Variants in CDC5L observed in about 807,000 individuals in gnomAD.
The protein encoded by CDC5L is cell division cycle 5 like.
In CDC5L, 18 loss-of-function variants were observed where a neutral mutation model predicts 104.1. That is an observed-to-expected ratio of 0.17 (90% CI 0.12 to 0.26). The LOEUF is 0.26. Ranked by LOEUF, CDC5L falls within the 10% of genes least tolerant of loss-of-function variation. The pLI, the probability that CDC5L is intolerant of heterozygous loss-of-function variation, is 1.00. For synonymous variants in CDC5L, 331 were observed against 322.7 expected (o/e 1.03, Z -0.28); for missense variants, 673 against 956.9 (o/e 0.70, Z 3.91).
At chr6:44,400,213 C>T (rs1411624772) in intron 5 of CDC5L, among the ~76,000 whole-genome samples, 1 of 152,168 alleles carries the variant, frequency 6.6e-6, no homozygotes, top group Non-Finnish European at 1.5e-5. Flanking sequence ...CACTCTCAGG[C>T]AGTTTCCGTT....
chr6:44,393,729 A>G (rs1050007730), intron 4 of CDC5L, among the ~76,000 whole-genome samples, 156 bp downstream of exon 4: 4 of 151,998 alleles, frequency 2.6e-5, no homozygotes, highest in Non-Finnish European at 5.9e-5. Flanking sequence ...AAGTGGCACA[A>G]TCATGGTTCA....
At position 44,445,815 on chromosome 6, in the gene CDC5L, C is replaced by T; in HGVS notation, c.2252C>T (p.Thr751Ile). Residue 751 changes from threonine (T) to isoleucine (I), a missense_variant, in exon 15 of 16, where the codon ACT (threonine) becomes ATT (isoleucine). Physicochemically the swap from Thr to Ile is moderately conservative, Grantham distance 89 (BLOSUM62 -1). Around this residue, in one of 4 missense-constraint regions of CDC5L, gnomAD observed 578 missense variants for 737.0 expected, o/e 0.78. Transcript: ENST00000371477. The part of the protein sequence containing the change: ...QIEQAHLELR[T>I]FEELKKHEDS... ...GAACAGGCTCACTTGGAGTTACGCA[C>T]TTTTGAAGAACTCAAGAAACATGAA... 1 of 1,613,970 alleles carries T rather than the reference C, an allele frequency of 6.2e-7. No homozygotes were observed.
chr6:44,439,088 C>T (rs1042399283), intron 14 of CDC5L, among the ~76,000 whole-genome samples: 1 of 152,146 alleles, frequency 6.6e-6, no homozygotes, highest in African/African-American at 2.4e-5. Context: ...TTGGATATTT[C>T]ACATAAGTGG....
At chr6:44,438,638 G>A (rs1482343451) in intron 14 of CDC5L, among the ~76,000 whole-genome samples, 2 of 136,674 alleles carry the variant, frequency 1.5e-5, no homozygotes, top group South Asian at 2.5e-4. Context: ...TGATGGTGTT[G>A]TAAAATTTAT....
chr6:44,403,418 T>C (rs1466370690), intron 5 of CDC5L, among the ~76,000 whole-genome samples: 6 of 152,152 alleles, frequency 3.9e-5, no homozygotes, highest in Non-Finnish European at 8.8e-5. Flanking sequence ...GCCTTTTAAT[T>C]TCATTTATAA....
intron 14 of CDC5L, among the ~76,000 whole-genome samples, chr6:44,431,263 A>G (rs111575748): frequency 3.9e-5 from 6 of 152,224 alleles, no homozygotes; most frequent in African/African-American, 1.4e-4. Flanking sequence ...TCTTGGGTAA[A>G]ATCTTAGTTC....
rs1331293 is a variant in CDC5L at position 44,397,079 on chromosome 6, A to G, written c.539+639A>G. Among the ~76,000 whole-genome samples the G allele has an allele frequency of 5.8e-3, 877 of 152,316 alleles. 7 individuals carry two copies. Among genetic ancestry groups the G allele is most frequent in the Middle Eastern group, 0.02 (6 of 294 alleles). ...TTGATTACATCATTGGCCATTGCTT[A>G]TCAACTCGACCTTCAGCCCTTCTCC... On this transcript the variant is annotated intron_variant, in intron 5 of 15. Transcript: ENST00000371477.
At chr6:44,439,667 G>A (rs1793092205) in intron 14 of CDC5L, among the ~76,000 whole-genome samples, 1 of 152,158 alleles carries the variant, frequency 6.6e-6, no homozygotes, top group Non-Finnish European at 1.5e-5. Context: ...TTAGTTGTTA[G>A]GGAAAAGAGC....
At chr6:44,445,577 C>T (rs1793410824) in intron 14 of CDC5L, 78 bp from the exon 15 acceptor site, 2 of 952,692 alleles carry the variant, frequency 2.1e-6, no homozygotes, top group Admixed American at 2.5e-5. Context: ...TACATGAACG[C>T]ATGGTACCTT....
chr6:44,422,803 G>A lies in CDC5L; in HGVS notation c.1398G>A (p.Lys466=). The change falls in exon 10 of 16, where the codon AAG becomes AAA. Residue 466 remains lysine, a synonymous_variant. Coordinates refer to ENST00000371477, the MANE Select transcript of CDC5L (RefSeq NM_001253.4). The part of the protein sequence containing the change: ...MADYSDPSYV[K]QMERESREHL... ...ACTATAGTGATCCCTCTTACGTGAA[G>A]CAGATGGTAAATGTCAATTCCCTTT... The A allele has an allele frequency of 6.3e-7, 1 of 1,596,550 alleles. No individual in the cohort carries two copies. The highest frequency in any genetic ancestry group is 8.5e-7 in the Non-Finnish European group (1 of 1,173,534).
chr6:44,436,772 T>G (rs1792958334), intron 14 of CDC5L, among the ~76,000 whole-genome samples: 1 of 152,222 alleles, frequency 6.6e-6, no homozygotes. Flanking sequence ...TGAAATAGAA[T>G]TACGGTGCGT....
In CDC5L at chr6:44,393,551, T is replaced by C. The variant is rs765624323; in HGVS notation, c.417T>C (p.Pro139=). 15 of 1,613,730 alleles carry C rather than the reference T, an allele frequency of 9.3e-6. No individual in the cohort carries two copies. Among genetic ancestry groups the C allele is most frequent in the Non-Finnish European group, 1.3e-5 (15 of 1,179,854 alleles). The change falls in exon 4 of 16, where the codon CCT becomes CCC. Residue 139 remains proline, a synonymous_variant. Transcript: ENST00000371477. The part of the protein sequence containing the change: ...DPNPETKPAR[P]DPIDMDEDEL... ...ATCCAGAAACAAAACCAGCGCGGCC[T>C]GATCCAATTGATATGGATGAGGGTA...
At chr6:44,441,682 G>A in intron 14 of CDC5L, among the ~76,000 whole-genome samples, 1 of 151,936 alleles carries the variant, frequency 6.6e-6, no homozygotes, top group East Asian at 1.9e-4. Flanking sequence ...CCTTATTGTG[G>A]TTTTGATTTG....
intron 4 of CDC5L, 48 bp downstream of exon 4, chr6:44,393,621 C>T (rs1790721167): frequency 6.4e-7 from 1 of 1,567,232 alleles, no homozygotes; most frequent in East Asian, 2.3e-5. Context: ...CTGTAAACTC[C>T]TTGGGCCTCA....
At chr6:44,414,237 G>T (rs1419146368) in intron 8 of CDC5L, among the ~76,000 whole-genome samples, 1 of 151,914 alleles carries the variant, frequency 6.6e-6, no homozygotes, top group Non-Finnish European at 1.5e-5. Flanking sequence ...GCACCACTGT[G>T]CCTGGCTAAT....
rs941493029 is a variant in CDC5L at position 44,408,502 on chromosome 6, G to A, written c.962G>A (p.Arg321His). The change falls in exon 8 of 16, where the codon CGT (arginine) becomes CAT (histidine). Residue 321 changes from arginine (R) to histidine (H), a missense_variant. Arg to His is a conservative substitution (Grantham distance 29, BLOSUM62 0). Around this residue, in one of 4 missense-constraint regions of CDC5L, gnomAD observed 578 missense variants for 737.0 expected, o/e 0.78. Coordinates refer to ENST00000371477, the MANE Select transcript of CDC5L (RefSeq NM_001253.4). Reference protein sequence around the residue: ...VKVGQASEIARQTAEESGITN... With the variant: ...VKVGQASEIAHQTAEESGITN... The stretch of plus-strand genomic sequence containing the variant: ...GTAGGCCAAGCGAGTGAAATTGCAC[G>A]TCAAACTGCCGAGGAATCTGGCATA... 4.3e-6 allele frequency: 7 copies of A among 1,613,998 alleles called. No homozygotes were observed. The highest frequency in any genetic ancestry group is 2.2e-5 in the East Asian group (1 of 44,882).
chr6:44,435,886 A>G (rs774955717), intron 14 of CDC5L, among the ~76,000 whole-genome samples: 3 of 151,876 alleles, frequency 2.0e-5, no homozygotes, highest in South Asian at 2.1e-4. Flanking sequence ...GGTTCAAGCA[A>G]TTCTCTTGCC....
In CDC5L at chr6:44,422,705, G is replaced by A. The variant is rs145364541; in HGVS notation, c.1300G>A (p.Val434Ile). The change falls in exon 10 of 16, where the codon GTT becomes ATT. Residue 434 changes from valine to isoleucine, a missense_variant. Transcript: ENST00000371477. ...TPRSGTTPKP[V>I]INSTPGRTPL... ...CCGGAGTGGAACAACTCCCAAACCAGTTATTAACTCTACTCCGGGTAGAAC... is the reference window on the plus strand; with the variant it reads ...CCGGAGTGGAACAACTCCCAAACCAATTATTAACTCTACTCCGGGTAGAAC... The A allele has an allele frequency of 2.4e-4, 382 of 1,613,168 alleles. No homozygotes were observed. The highest frequency in any genetic ancestry group is 3.7e-4 in the Admixed American group (22 of 59,964).
chr6:44,425,068 G>C lies in CDC5L; in HGVS notation c.1569+485G>C, dbSNP rs11572016. Among the ~76,000 whole-genome samples the C allele has an allele frequency of 1.0e-2, 1,518 of 152,154 alleles. 28 individuals are homozygous for C. The highest frequency in any genetic ancestry group is 0.034 in the African/African-American group (1,408 of 41,490). On this transcript the variant is annotated intron_variant, in intron 11 of 15. Coordinates refer to ENST00000371477, the MANE Select transcript of CDC5L (RefSeq NM_001253.4). ...TATCTAAACTGGAGTTGGAAATTTA[G>C]ATAGAGTGTGTCAAAATAATATTAG... is the stretch of plus-strand genomic sequence containing the variant.
Sources: allele counts gnomAD v4.1 joint callset (sites outside exome capture counted in the v4.1 genomes callset), GRCh38; gene constraint gnomAD v4.1.1; regional missense constraint gnomAD v4.1.1; transcripts MANE v1.5; gene names NCBI Gene and HGNC (gene_info 2026-07-23, HGNC 2026-07-21).